The following RNF212B variants were observed in gnomAD, a reference collection of about 807,000 sequenced individuals.
RNF212B encodes the protein E3 ubiquitin-protein ligase RNF212B.
Under a neutral mutation model 55.5 loss-of-function variants are expected in RNF212B, and 52 were observed. The ratio of observed to expected loss-of-function variants is 0.94; its 90% confidence interval spans 0.75 to 1.18. The LOEUF is 1.18. Ranked by LOEUF, RNF212B falls within the 50% of genes most tolerant of loss-of-function variation. The pLI, the probability that RNF212B is intolerant of heterozygous loss-of-function variation, is 0.00. For missense variants in RNF212B, 289 were observed against 350.4 expected (o/e 0.82, Z 1.40); for synonymous variants, 99 against 121.4 (o/e 0.82, Z 1.21).
chr14:23,272,188 C>T (rs776955171), intron 14 of RNF212B, among the ~76,000 whole-genome samples: 6 of 151,988 alleles, frequency 3.9e-5, no homozygotes, highest in Admixed American at 1.3e-4. Flanking sequence ...GAGGCCGAGG[C>T]GGGCGGATTA....
chr14:23,230,662 A>C (rs1213365926), intron 2 of RNF212B, among the ~76,000 whole-genome samples: 1 of 148,926 alleles, frequency 6.7e-6, no homozygotes, highest in Non-Finnish European at 1.5e-5. Context: ...TCAAAAAAAA[A>C]AAAAAAAAAA....
chr14:23,248,616 A>T (rs1884179830), intron 4 of RNF212B, among the ~76,000 whole-genome samples: 1 of 149,816 alleles, frequency 6.7e-6, no homozygotes, highest in Non-Finnish European at 1.5e-5. Flanking sequence ...TAATTTTTGT[A>T]TTTTTAATAG....
At chr14:23,229,671 A>G (rs1434148979) in intron 2 of RNF212B, among the ~76,000 whole-genome samples, 1 of 152,128 alleles carries the variant, frequency 6.6e-6, no homozygotes, top group Non-Finnish European at 1.5e-5. Flanking sequence ...TCTGCTGGAC[A>G]CTTCTATATC....
intron 2 of RNF212B, among the ~76,000 whole-genome samples, chr14:23,215,841 C>T (rs891377843): frequency 4.6e-5 from 7 of 152,168 alleles, no homozygotes; most frequent in Non-Finnish European, 8.8e-5. Flanking sequence ...TATCCTTCTC[C>T]TAGTCCTTAT....
upstream of RNF212B, among the ~76,000 whole-genome samples, chr14:23,237,451 G>A (rs2140429609): frequency 6.6e-6 from 1 of 152,196 alleles, no homozygotes. Flanking sequence ...AATAAAGGTT[G>A]ACTTTTTTTA....
At chr14:23,246,591 T>A (rs1883995886) in intron 4 of RNF212B, among the ~76,000 whole-genome samples, 2 of 150,842 alleles carry the variant, frequency 1.3e-5, no homozygotes, top group African/African-American at 4.9e-5. Context: ...TAAAGTACTT[T>A]AAAAAAAAAC....
rs557373812 is a variant in RNF212B at position 23,186,487 on chromosome 14, T to C, written c.-79+997T>C. Among the ~76,000 whole-genome samples the C allele has an allele frequency of 3.3e-5, 5 of 152,124 alleles. No homozygotes were observed. The South Asian group carries it at 8.3e-4, about 25-fold the overall frequency. On this transcript the variant is annotated intron_variant, in intron 1 of 15. Coordinates refer to the RNF212B transcript ENST00000399910. Reference sequence around the variant, plus strand: ...GCCTCAGCCTCCTAAGTAGCTGGGATTACAGGCACCTGCCACCATGCCTGG... The same window carrying C: ...GCCTCAGCCTCCTAAGTAGCTGGGACTACAGGCACCTGCCACCATGCCTGG...
In RNF212B at chr14:23,193,574, C is replaced by T. The variant is rs147269668; in HGVS notation, c.-2+173C>T. Among the ~76,000 whole-genome samples, 191 of 152,156 alleles carry T rather than the reference C, an allele frequency of 1.3e-3. 1 individual carries two copies. The highest frequency in any genetic ancestry group is 4.2e-3 in the African/African-American group (175 of 41,502). Reference sequence around the variant, plus strand: ...GTTTGGCAGCCTGGAACATAGTACCCAGGGGGCGGATTTATGTTTTTATCT... The same window carrying T: ...GTTTGGCAGCCTGGAACATAGTACCTAGGGGGCGGATTTATGTTTTTATCT... On this transcript the variant is annotated intron_variant, in intron 2 of 15. Transcript: ENST00000399910.
chr14:23,254,777 T>A (rs1256507571), intron 4 of RNF212B, among the ~76,000 whole-genome samples: 1 of 152,234 alleles, frequency 6.6e-6, no homozygotes, highest in African/African-American at 2.4e-5. Context: ...GTAAACCTAC[T>A]AAGCTCCCCC....
In RNF212B at chr14:23,259,923, G is replaced by A. The variant is rs778937601; in HGVS notation, c.384G>A (p.Lys128=). 1.3e-6 allele frequency: 2 copies of A among 1,511,312 alleles called. No individual in the cohort carries two copies. The highest frequency in any genetic ancestry group is 1.8e-6 in the Non-Finnish European group (2 of 1,123,682). The allele number at this position is 1,511,312 out of a possible 1,614,324, so 93.6% of individuals were successfully genotyped here. Residue 128 remains lysine (K), a synonymous_variant, in exon 6 of 15, where the codon AAG becomes AAA. Coordinates refer to ENST00000430154, the MANE Select transcript of RNF212B (RefSeq NM_001282322.3). ...SVLRKENGEL[K]KFLAILKESP... is the part of the protein sequence containing the mutation. ...TAAGGAAGGAGAATGGAGAACTGAA[G>A]AAATTTCTAGCCATTCTAAAGGTGA...
chr14:23,269,725 G>T, intron 12 of RNF212B, 138 bp from the exon 13 acceptor site: 5 of 553,080 alleles, frequency 9.0e-6, no homozygotes, highest in East Asian at 3.0e-5. Flanking sequence ...AAAAAAAAAA[G>T]AAAAAATTAT....
chr14:23,258,379 G>C, intron 4 of RNF212B, 170 bp from the exon 5 acceptor site: 1 of 368,688 alleles, frequency 2.7e-6, no homozygotes, highest in Non-Finnish European at 4.8e-6. Flanking sequence ...CTAGTGTCCT[G>C]GAAATGAGTG....
rs541953283 is a variant in RNF212B at position 23,191,224 on chromosome 14, G to A, written c.-78-2101G>A. ...CAAAAATTAACCAGGGCTGGTGGCG[G>A]TGCACACCTGTAGTCCCAGCTACTT... On this transcript the variant is annotated intron_variant, in intron 1 of 15. Transcript: ENST00000399910. Among the ~76,000 whole-genome samples the A allele has an allele frequency of 2.6e-5, 4 of 151,996 alleles. No homozygotes were observed. In the South Asian group the frequency reaches 6.2e-4, roughly 24 times the overall value.
intron 2 of RNF212B, among the ~76,000 whole-genome samples, chr14:23,220,445 T>A (rs971695567): frequency 5.3e-5 from 8 of 151,874 alleles, no homozygotes; most frequent in Non-Finnish European, 1.0e-4. Flanking sequence ...GACACAAGAA[T>A]TATTGGAACC....
intron 4 of RNF212B, among the ~76,000 whole-genome samples, chr14:23,248,535 G>A (rs368748978): frequency 2.7e-5 from 4 of 146,508 alleles, no homozygotes; most frequent in South Asian, 2.2e-4. Flanking sequence ...TCCGCCTCCC[G>A]GGTTCAAGCA....
chr14:23,270,721 A>G, intron 14 of RNF212B, 60 bp downstream of exon 14: 2 of 1,109,962 alleles, frequency 1.8e-6, no homozygotes, highest in Non-Finnish European at 2.7e-6. Context: ...AGGCCTGCAC[A>G]CTAAATGCCT....
intron 2 of RNF212B, among the ~76,000 whole-genome samples, chr14:23,200,828 G>GCC (rs1794114750): frequency 6.6e-6 from 1 of 152,140 alleles, no homozygotes; most frequent in Non-Finnish European, 1.5e-5. Context: ...TCCAGTCAAA[G>GCC]CCTTGGTAAA....
At position 23,258,670 on chromosome 14, in the gene RNF212B, T is replaced by A; in HGVS notation, c.344+6T>A. 4 of 1,306,272 alleles carry A rather than the reference T, an allele frequency of 3.1e-6. No homozygotes were observed. Among genetic ancestry groups the A allele is most frequent in the Non-Finnish European group, 3.1e-6 (3 of 958,812 alleles). The allele number at this position is 1,306,272 out of a possible 1,614,324, so 80.9% of individuals were successfully genotyped here. Reference sequence around the variant, plus strand: ...GCACTGGTGAGCCAGGACAAGTAAGTAACAAATCAAGTCCCAAGAGAGCTT... The same window carrying A: ...GCACTGGTGAGCCAGGACAAGTAAGAAACAAATCAAGTCCCAAGAGAGCTT... On this transcript the variant is annotated splice_donor_region_variant and intron_variant, in intron 5 of 14. Coordinates refer to ENST00000430154, the MANE Select transcript of RNF212B (RefSeq NM_001282322.3).
chr14:23,225,043 A>G (rs573729965), intron 2 of RNF212B, among the ~76,000 whole-genome samples: 21 of 152,242 alleles, frequency 1.4e-4, no homozygotes, highest in Admixed American at 5.2e-4. Flanking sequence ...AATTGAAACT[A>G]CAGTGATCAG....
Sources: allele counts gnomAD v4.1 joint callset (sites outside exome capture counted in the v4.1 genomes callset), GRCh38; gene constraint gnomAD v4.1.1; transcripts MANE v1.5; gene names NCBI Gene and HGNC (gene_info 2026-07-23, HGNC 2026-07-21).